Variants in SOX6 observed in about 807,000 individuals in gnomAD.
The protein encoded by SOX6 is SRY-box transcription factor 6.
Under a neutral mutation model 97.8 loss-of-function variants are expected in SOX6, and 11 were observed. That is an observed-to-expected ratio of 0.11 (90% CI 0.07 to 0.19). The LOEUF (loss-of-function observed/expected upper bound fraction) is 0.19. Among genes scored for constraint, SOX6 ranks in the 10% least tolerant of loss-of-function variants. The pLI, the probability that SOX6 is intolerant of heterozygous loss-of-function variation, is 1.00. For synonymous variants in SOX6, 360 were observed against 371.4 expected (o/e 0.97, Z 0.35); for missense variants, 810 against 1,039.5 (o/e 0.78, Z 3.04).
chr11:16,319,997 A>G (rs866950018), intron 2 of SOX6, among the ~76,000 whole-genome samples: 4 of 152,298 alleles, frequency 2.6e-5, no homozygotes, highest in Middle Eastern at 3.4e-3. Context: ...TAGATGGATC[A>G]GCTGAAAAGG....
chr11:16,034,956 T>C (rs1419848747), intron 12 of SOX6, among the ~76,000 whole-genome samples: 1 of 152,136 alleles, frequency 6.6e-6, no homozygotes, highest in Non-Finnish European at 1.5e-5. Context: ...CCCACTTCTA[T>C]AGATACAAAC....
intron 2 of SOX6, among the ~76,000 whole-genome samples, chr11:16,334,029 T>C (rs1377370592): frequency 6.6e-6 from 1 of 152,114 alleles, no homozygotes; most frequent in African/African-American, 2.4e-5. Flanking sequence ...TACAGTAATG[T>C]TGCAAATTGT....
chr11:16,134,736 G>A (rs1053203457), intron 6 of SOX6, among the ~76,000 whole-genome samples: 6 of 152,168 alleles, frequency 3.9e-5, no homozygotes, highest in Non-Finnish European at 7.3e-5. Flanking sequence ...TATTGCATGC[G>A]TTCAGGCTGC....
At chr11:16,257,738 G>A (rs1853735330) in intron 3 of SOX6, among the ~76,000 whole-genome samples, 1 of 151,860 alleles carries the variant, frequency 6.6e-6, no homozygotes, top group African/African-American at 2.4e-5. Flanking sequence ...CTACTGCTCT[G>A]TGAAAGACAC....
intron 3 of SOX6, among the ~76,000 whole-genome samples, chr11:16,674,833 C>G (rs2134026356): frequency 6.6e-6 from 1 of 152,300 alleles, no homozygotes; most frequent in Admixed American, 6.5e-5. Flanking sequence ...CACCTGTAGT[C>G]CCGGCTACTC....
At chr11:16,197,777 A>G (rs1034792876) in intron 4 of SOX6, among the ~76,000 whole-genome samples, 1 of 152,212 alleles carries the variant, frequency 6.6e-6, no homozygotes, top group African/African-American at 2.4e-5. Flanking sequence ...TGTCAAAGAG[A>G]AGAAAAGACA....
At chr11:16,621,101 A>AT (rs1371855363) in intron 3 of SOX6, among the ~76,000 whole-genome samples, 1 of 152,200 alleles carries the variant, frequency 6.6e-6, no homozygotes, top group Non-Finnish European at 1.5e-5. Flanking sequence ...GTAAACTTAC[A>AT]TAAGAGGTGT....
At chr11:16,160,577 G>T (rs1230348598) in intron 6 of SOX6, among the ~76,000 whole-genome samples, 1 of 152,040 alleles carries the variant, frequency 6.6e-6, no homozygotes, top group East Asian at 1.9e-4. Flanking sequence ...TTAACATGAA[G>T]GTGAAAAAAT....
At chr11:16,504,408 T>C (rs1388452407) in intron 4 of SOX6, among the ~76,000 whole-genome samples, 1 of 151,924 alleles carries the variant, frequency 6.6e-6, no homozygotes, top group Non-Finnish European at 1.5e-5. Flanking sequence ...GGATACAAAA[T>C]ACATATAAAA....
chr11:16,410,520 AC>A (rs1164259804), intron 1 of SOX6, among the ~76,000 whole-genome samples: 1 of 152,076 alleles, frequency 6.6e-6, no homozygotes, highest in African/African-American at 2.4e-5. Context: ...ACTTTGGGAG[AC>A]CAAGGTGGGA....
chr11:16,381,643 T>C (rs1857823940), intron 1 of SOX6, among the ~76,000 whole-genome samples: 1 of 152,038 alleles, frequency 6.6e-6, no homozygotes, highest in Non-Finnish European at 1.5e-5. Context: ...AAAATATGCA[T>C]AATATAGTCA....
chr11:16,122,776 A>C (rs575388586), intron 6 of SOX6, among the ~76,000 whole-genome samples: 6 of 152,172 alleles, frequency 3.9e-5, no homozygotes, highest in African/African-American at 1.4e-4. Flanking sequence ...TAGGGGCTCA[A>C]CAAATATTTG....
chr11:16,085,845 T>C (rs756790918), intron 9 of SOX6, among the ~76,000 whole-genome samples: 10 of 152,204 alleles, frequency 6.6e-5, no homozygotes, highest in Non-Finnish European at 1.2e-4. Flanking sequence ...TCCACATCCA[T>C]TGTGCTTAAA....
chr11:16,154,975 G>T (rs74519607), intron 6 of SOX6, among the ~76,000 whole-genome samples: 1 of 151,674 alleles, frequency 6.6e-6, no homozygotes, highest in South Asian at 2.1e-4. Context: ...TAAGACTATC[G>T]CTCCTTCTTT....
chr11:16,224,754 A>T (rs964189057), intron 4 of SOX6, among the ~76,000 whole-genome samples: 1 of 152,088 alleles, frequency 6.6e-6, no homozygotes, highest in Non-Finnish European at 1.5e-5. Context: ...GGGTTCTGCA[A>T]TAATTACTCA....
intron 9 of SOX6, 87 bp downstream of exon 9, chr11:16,095,909 C>T (rs1376000364): frequency 1.1e-5 from 15 of 1,397,778 alleles, no homozygotes; most frequent in Admixed American, 3.7e-5. Context: ...GAGTGTTTGC[C>T]ACTTTAAAAA....
chr11:16,451,169 T>TTGCA (rs1310114194), intron 1 of SOX6, among the ~76,000 whole-genome samples: 2 of 151,106 alleles, frequency 1.3e-5, no homozygotes, highest in African/African-American at 4.9e-5. Flanking sequence ...GATGCAGAGG[T>TTGCA]TGCAGTGAGC....
rs989259594 is a variant in SOX6, at chr11:16,583,595, A to G, written n.609+28486T>C. ...TTTCATTGTGTATATATATATATGT[A>G]TATATGTGTATATATATACATATAT... On this transcript the variant is annotated intron_variant and non_coding_transcript_variant, in intron 4 of 5. Coordinates refer to the SOX6 transcript ENST00000524520. Among the ~76,000 whole-genome samples the G allele has an allele frequency of 5.2e-4, 27 of 52,104 alleles. No individual in the cohort carries two copies. In the East Asian group the frequency reaches 8.2e-3, roughly 16 times the overall value. 34.2% of individuals were successfully genotyped at this position (52,104 alleles called of 152,430 possible). A position where few individuals can be genotyped will look rare whatever the true frequency, so the allele number is the denominator to read the frequency against.
intron 4 of SOX6, among the ~76,000 whole-genome samples, chr11:16,546,488 A>C (rs905016605): frequency 2.0e-5 from 3 of 152,188 alleles, no homozygotes; most frequent in Admixed American, 6.6e-5. Context: ...TTTTCGACAA[A>C]GGTGCCAAGA....
Sources: allele counts gnomAD v4.1 joint callset (sites outside exome capture counted in the v4.1 genomes callset), GRCh38; gene constraint gnomAD v4.1.1; transcripts MANE v1.5; gene names NCBI Gene and HGNC (gene_info 2026-07-23, HGNC 2026-07-21).